The following NCALD variants were observed in gnomAD, a reference collection of about 807,000 sequenced individuals.
NCALD encodes neurocalcin delta.
NCALD carries 10 observed loss-of-function variants against 18.6 expected under a neutral mutation model. The ratio of observed to expected loss-of-function variants is 0.54; its 90% CI spans 0.33 to 0.91. NCALD has a LOEUF of 0.91. NCALD is among the 40% of genes least tolerant of loss of function. The pLI is 0.03. For synonymous variants in NCALD, 88 were observed against 87.4 expected (o/e 1.01, Z -0.04); for missense variants, 184 against 247.6 (o/e 0.74, Z 1.72).
intron 4 of NCALD, among the ~76,000 whole-genome samples, chr8:101,799,766 G>A (rs1812771147): frequency 6.6e-6 from 1 of 152,204 alleles, no homozygotes; most frequent in African/African-American, 2.4e-5. Flanking sequence ...AAGGGGTTAA[G>A]GAGCAGGTAG....
chr8:101,733,237 ATC>A (rs1428787271), intron 1 of NCALD, among the ~76,000 whole-genome samples: 12 of 152,344 alleles, frequency 7.9e-5, no homozygotes, highest in African/African-American at 2.6e-4. Context: ...ACAAGTGAGA[ATC>A]CCATTAATTG....
At chr8:102,045,311 G>A (rs538884674) in intron 1 of NCALD, among the ~76,000 whole-genome samples, 12 of 152,250 alleles carry the variant, frequency 7.9e-5, no homozygotes, top group African/African-American at 2.9e-4. Context: ...ACTTCTACCA[G>A]CTGTGTGACC....
chr8:102,063,860 C>T (rs1450436437), intron 1 of NCALD, among the ~76,000 whole-genome samples: 1 of 152,160 alleles, frequency 6.6e-6, no homozygotes, highest in African/African-American at 2.4e-5. Context: ...GGATGGAAAA[C>T]AGCTCCTGCT....
At chr8:101,974,833 C>T (rs531342539) in intron 2 of NCALD, among the ~76,000 whole-genome samples, 2 of 152,214 alleles carry the variant, frequency 1.3e-5, no homozygotes, top group Non-Finnish European at 2.9e-5. Flanking sequence ...CCAGAAAGGA[C>T]AGGAAATGGA....
At chr8:101,740,674 T>C (rs1439625238) in intron 1 of NCALD, among the ~76,000 whole-genome samples, 2 of 152,168 alleles carry the variant, frequency 1.3e-5, no homozygotes, top group South Asian at 2.1e-4. Context: ...AAGATGAACA[T>C]ATATCCACAA....
chr8:101,690,566 A>AGG, intron 3 of NCALD: 3 of 985,374 alleles, frequency 3.0e-6, no homozygotes, highest in Non-Finnish European at 3.6e-6. Flanking sequence ...ACCTGACAGG[A>AGG]GGGGGCCTCC....
chr8:101,989,519 A>T (rs1368158813), intron 2 of NCALD, among the ~76,000 whole-genome samples: 1 of 152,276 alleles, frequency 6.6e-6, no homozygotes, highest in African/African-American at 2.4e-5. Flanking sequence ...GTTTAAAATT[A>T]TAATGTGGCA....
chr8:101,988,154 C>CAAA (rs141735735), intron 2 of NCALD, among the ~76,000 whole-genome samples: 359 of 32,252 alleles, frequency 0.011, no homozygotes, highest in African/African-American at 0.023. Context: ...GACTCCGTCT[C>CAAA]AAAAAAAAAA....
chr8:101,857,697 G>A (rs1464436860), intron 4 of NCALD, among the ~76,000 whole-genome samples: 1 of 152,174 alleles, frequency 6.6e-6, no homozygotes, highest in Non-Finnish European at 1.5e-5. Flanking sequence ...ACAAGATAGA[G>A]TTCTTTCTTC....
chr8:101,912,513 G>C (rs567845586), intron 3 of NCALD, among the ~76,000 whole-genome samples: 1 of 152,332 alleles, frequency 6.6e-6, no homozygotes, highest in African/African-American at 2.4e-5. Context: ...ATTCTCACTT[G>C]ATAACTTTGA....
chr8:101,809,286 G>A (rs910499367), intron 4 of NCALD, among the ~76,000 whole-genome samples: 2 of 152,108 alleles, frequency 1.3e-5, no homozygotes, highest in African/African-American at 4.8e-5. Context: ...ATCACTACAG[G>A]AGTAAAAATG....
chr8:101,816,730 G>A (rs1437015598), intron 4 of NCALD, among the ~76,000 whole-genome samples: 1 of 152,170 alleles, frequency 6.6e-6, no homozygotes, highest in African/African-American at 2.4e-5. Context: ...GTGGATTCAT[G>A]TCATTACACA....
At chr8:102,075,439 C>A (rs1226555289) in intron 1 of NCALD, among the ~76,000 whole-genome samples, 4 of 152,062 alleles carry the variant, frequency 2.6e-5, no homozygotes, top group Non-Finnish European at 5.9e-5. Context: ...AGAGGATTGT[C>A]TAATACTATA....
At chr8:101,715,003 C>CAACAAAAAAAAAAAAAA (rs1816004463) in intron 2 of NCALD, among the ~76,000 whole-genome samples, 1 of 103,230 alleles carries the variant, frequency 9.7e-6, no homozygotes, top group African/African-American at 4.2e-5. Flanking sequence ...GACTCCGTCT[C>CAACAAAAAAAAAAAAAA]AAAAAAAAAA....
intron 1 of NCALD, among the ~76,000 whole-genome samples, chr8:101,779,146 CCTT>C (rs1194633275): frequency 5.3e-5 from 8 of 152,014 alleles, no homozygotes; most frequent in Admixed American, 1.3e-4. Flanking sequence ...AAGATACAGC[CCTT>C]CTTCTATTAT....
intron 1 of NCALD, among the ~76,000 whole-genome samples, chr8:102,082,222 C>G (rs1824564630): frequency 8.7e-6 from 1 of 114,920 alleles, no homozygotes; most frequent in Non-Finnish European, 1.8e-5. Flanking sequence ...TTGAGAAGCT[C>G]TCTCTTTTTT....
intron 2 of NCALD, among the ~76,000 whole-genome samples, chr8:102,000,641 G>A (rs553467535): frequency 6.6e-6 from 1 of 152,312 alleles, no homozygotes; most frequent in African/African-American, 2.4e-5. Flanking sequence ...GGAGCAGACT[G>A]ACACCTCACA....
intron 1 of NCALD, among the ~76,000 whole-genome samples, chr8:101,784,261 C>T (rs774399243): frequency 7.9e-5 from 12 of 152,050 alleles, no homozygotes; most frequent in Non-Finnish European, 1.6e-4. Flanking sequence ...GCTGAAATAC[C>T]TACTCTTGGC....
At chr8:101,755,119 A>G (rs1810821668) in intron 1 of NCALD, among the ~76,000 whole-genome samples, 1 of 152,188 alleles carries the variant, frequency 6.6e-6, no homozygotes, top group Non-Finnish European at 1.5e-5. Context: ...TAGACTGTCA[A>G]TTCTTTGAGG....
Sources: allele counts gnomAD v4.1 joint callset (sites outside exome capture counted in the v4.1 genomes callset), GRCh38; gene constraint gnomAD v4.1.1; transcripts MANE v1.5; gene names NCBI Gene and HGNC (gene_info 2026-07-23, HGNC 2026-07-21).